The following ZNF608 variants were observed in gnomAD, a reference collection of about 807,000 sequenced individuals.
ZNF608 encodes zinc finger protein 608.
ZNF608 carries 12 observed loss-of-function variants against 109.0 expected under a neutral mutation model. That is an observed-to-expected ratio of 0.11 (90% confidence interval 0.07 to 0.18). ZNF608 has a LOEUF of 0.18. ZNF608 is among the 10% of genes least tolerant of loss of function. The probability of loss-of-function intolerance (pLI) is 1.00; values close to 1 mark genes in which losing one functional copy is unlikely to be tolerated. For missense variants in ZNF608, 1,707 were observed against 1,879.3 expected (o/e 0.91, Z 1.70); for synonymous variants, 732 against 717.4 (o/e 1.02, Z -0.33).
At chr5:124,705,968 A>G (rs1333142636) in intron 2 of ZNF608, among the ~76,000 whole-genome samples, 1 of 152,248 alleles carries the variant, frequency 6.6e-6, no homozygotes, top group African/African-American at 2.4e-5. Context: ...TGCTAGAACA[A>G]GAGTGGCCCA....
At position 124,716,312 on chromosome 5, in the gene ZNF608, T is replaced by C. The variant is rs374655907; in HGVS notation, c.907-15043A>G. On this transcript the variant is annotated intron_variant, in intron 2 of 9. Transcript: ENST00000513986. ...TCTAATAACCATAACCAAAACAACTTAAATTTAAATTGTTTCATTTAATAA... is the reference window on the plus strand; with the variant it reads ...TCTAATAACCATAACCAAAACAACTCAAATTTAAATTGTTTCATTTAATAA... 2.9e-4 allele frequency among the ~76,000 whole-genome samples: 43 copies of C among 150,866 alleles called. 1 individual carries two copies. In the South Asian group the frequency reaches 8.7e-3, roughly 31 times the overall value.
intron 3 of ZNF608, among the ~76,000 whole-genome samples, chr5:124,667,497 C>T (rs547934837): frequency 6.6e-6 from 1 of 152,092 alleles, no homozygotes; most frequent in South Asian, 2.1e-4. Context: ...AACATCAACA[C>T]CATTGTTGAT....
At chr5:124,663,225 T>A (rs1751347082) in intron 3 of ZNF608, among the ~76,000 whole-genome samples, 2 of 152,176 alleles carry the variant, frequency 1.3e-5, no homozygotes, top group African/African-American at 4.8e-5. Flanking sequence ...GAATTATTGG[T>A]CCAAAGGCTT....
At chr5:124,708,710 A>G (rs1225648578) in intron 2 of ZNF608, 5 of 456,170 alleles carry the variant, frequency 1.1e-5, no homozygotes, top group Non-Finnish European at 2.2e-5. Flanking sequence ...CTTTCTCATT[A>G]TCAGGTATGA....
intron 2 of ZNF608, among the ~76,000 whole-genome samples, chr5:124,717,931 T>G (rs1278531737): frequency 6.6e-6 from 1 of 152,164 alleles, no homozygotes; most frequent in Non-Finnish European, 1.5e-5. Flanking sequence ...CACCTTTTCC[T>G]CTTATAAATC....
chr5:124,651,437 T>A (rs1750768075), intron 3 of ZNF608, among the ~76,000 whole-genome samples: 1 of 152,246 alleles, frequency 6.6e-6, no homozygotes, highest in South Asian at 2.1e-4. Flanking sequence ...TTCTTTAGCA[T>A]GTCAGCTATA....
intron 3 of ZNF608, among the ~76,000 whole-genome samples, chr5:124,684,955 AAAG>A (rs774076497): frequency 1.3e-5 from 2 of 152,244 alleles, no homozygotes; most frequent in Non-Finnish European, 2.9e-5. Flanking sequence ...TATTGCAGCC[AAAG>A]AATAAAGAAT....
At chr5:124,725,996 C>T (rs1303906009) in intron 2 of ZNF608, among the ~76,000 whole-genome samples, 2 of 152,172 alleles carry the variant, frequency 1.3e-5, no homozygotes, top group African/African-American at 4.8e-5. Context: ...AAAATCCAAG[C>T]ACTCTAATCA....
chr5:124,659,154 ATT>A lies in ZNF608; in HGVS notation c.1163-9459_1163-9458del, dbSNP rs10709034. 8.9e-3 allele frequency among the ~76,000 whole-genome samples: 1,331 copies of A among 148,894 alleles called. 8 individuals are homozygous for A. Among genetic ancestry groups the A allele is most frequent in the African/African-American group, 0.014 (576 of 40,444 alleles). ...TCCTGCACTTAATATTAATTACAGG[ATT>A]TTTTTTTTTTTAAGTTAACAACTCA... On this transcript the variant is annotated intron_variant, in intron 3 of 9. Coordinates refer to ENST00000513986, the MANE Select transcript of ZNF608 (RefSeq NM_020747.3).
chr5:124,655,503 G>A (rs1477371975), intron 3 of ZNF608, among the ~76,000 whole-genome samples: 2 of 152,068 alleles, frequency 1.3e-5, no homozygotes, highest in South Asian at 2.1e-4. Flanking sequence ...AACCTCATTC[G>A]AATAACACCA....
Position 124,648,016 on chromosome 5 carries a change from G to T in ZNF608, c.2368C>A (p.Pro790Thr), listed in dbSNP as rs1314488328. 1 of 1,614,206 alleles carries T rather than the reference G, an allele frequency of 6.2e-7. No homozygotes were observed. The highest frequency in any genetic ancestry group is 8.5e-7 in the Non-Finnish European group (1 of 1,180,042). The change falls in exon 5 of 10, where the codon CCA becomes ACA. Residue 790 changes from proline to threonine, a missense_variant. Transcript: ENST00000513986. ...GGCTCTCCCATAATTGTGGGCTTTG[G>T]TTGAATGGGTTTTAACGGAGGACTC... Reference protein sequence around the residue: ...PKSPPLKPIQPKPTIMGEPIT... With the variant: ...PKSPPLKPIQTKPTIMGEPIT...
intron 3 of ZNF608, among the ~76,000 whole-genome samples, chr5:124,679,064 C>A (rs1461446487): frequency 6.6e-6 from 1 of 152,216 alleles, no homozygotes; most frequent in Non-Finnish European, 1.5e-5. Context: ...AACAAATTAG[C>A]AGCTTTGCCT....
rs34398324 is a variant in ZNF608 at position 124,637,092 on chromosome 5, T to TAAAAAA, written c.*802_*807dup. On this transcript the variant is annotated 3_prime_UTR_variant, in exon 10 of 10. Transcript: ENST00000513986. ...TCTAAAACTGGATAATTGTAAACAT[T>TAAAAAA]AAAAAAAAAAAAAGACTGTAGAACT... is the stretch of plus-strand genomic sequence containing the variant. The TAAAAAA allele has an allele frequency of 6.9e-6, 1 of 145,362 alleles. No homozygotes were observed. The allele number at this position is 145,362 out of a possible 1,614,324, so 9.0% of individuals were successfully genotyped here.
At chr5:124,668,806 G>C (rs184869707) in intron 3 of ZNF608, among the ~76,000 whole-genome samples, 6 of 152,194 alleles carry the variant, frequency 3.9e-5, no homozygotes, top group African/African-American at 1.4e-4. Flanking sequence ...AGAATAGGGG[G>C]TTTAAGACAA....
In ZNF608 at chr5:124,644,474, G is replaced by A; in HGVS notation, c.3893C>T (p.Ala1298Val). The change falls in exon 6 of 10, where the codon GCC becomes GTC. Residue 1298 changes from alanine (A) to valine (V), a missense_variant. This residue lies in a region of ZNF608 where 1,073 missense variants were observed against 1,133.5 expected (regional missense o/e 0.95). Transcript: ENST00000513986. ...LTSIKEEPKE[A>V]KHPDSQSMEE... is the part of the protein sequence containing the mutation. ...CATTGATTGAGAATCAGGATGCTTGGCCTCTTTGGGCTCCTCTTTAATGCT... is the reference window on the plus strand; with the variant it reads ...CATTGATTGAGAATCAGGATGCTTGACCTCTTTGGGCTCCTCTTTAATGCT... 6.2e-7 allele frequency: 1 copy of A among 1,614,056 alleles called. No individual in the cohort carries two copies. Among genetic ancestry groups the A allele is most frequent in the Non-Finnish European group, 8.5e-7 (1 of 1,180,026 alleles).
chr5:124,683,043 T>A (rs1752259359), intron 3 of ZNF608, among the ~76,000 whole-genome samples: 1 of 152,108 alleles, frequency 6.6e-6, no homozygotes, highest in Non-Finnish European at 1.5e-5. Context: ...TCTCTCCCCC[T>A]CTCTATCTGA....
chr5:124,674,010 T>C (rs1184284851), intron 3 of ZNF608, among the ~76,000 whole-genome samples: 1 of 152,208 alleles, frequency 6.6e-6, no homozygotes. Context: ...AGGTAAATTA[T>C]GAGAAAATTC....
At chr5:124,706,118 G>A (rs1753249541) in intron 2 of ZNF608, among the ~76,000 whole-genome samples, 1 of 152,202 alleles carries the variant, frequency 6.6e-6, no homozygotes, top group African/African-American at 2.4e-5. Flanking sequence ...GGTGGCCTGA[G>A]AGCAAAAAGT....
intron 2 of ZNF608, among the ~76,000 whole-genome samples, chr5:124,702,997 C>G (rs1018028981): frequency 6.6e-6 from 1 of 152,000 alleles, no homozygotes; most frequent in African/African-American, 2.4e-5. Context: ...ACAATGCTAC[C>G]TAGTAGTCTT....
Sources: gnomAD v4.1 joint callset for allele counts (sites outside exome capture counted in the v4.1 genomes callset) on GRCh38, gnomAD v4.1.1 for gene constraint, gnomAD v4.1.1 regional missense constraint, MANE v1.5 for transcripts, NCBI Gene and HGNC (gene_info 2026-07-23, HGNC 2026-07-21) for gene names.